The following EVL variants were observed in gnomAD, a reference collection of about 807,000 sequenced individuals.
EVL encodes Enah/Vasp-like.
Under a neutral mutation model 59.6 loss-of-function variants are expected in EVL, and 21 were observed. The ratio of observed to expected loss-of-function variants is 0.35; its 90% CI spans 0.25 to 0.51. EVL has a LOEUF of 0.51. Ranked by LOEUF, EVL falls within the 20% of genes least tolerant of loss-of-function variation. EVL has a pLI of 0.97. For synonymous variants in EVL, 198 were observed against 203.5 expected, an observed-to-expected ratio of 0.97 and a Z score of 0.23; for missense variants, 462 against 546.6, an observed-to-expected ratio of 0.85 and a Z score of 1.54.
intron 2 of EVL, among the ~76,000 whole-genome samples, chr14:100,096,406 ATCT>A (rs1885816000): frequency 6.6e-6 from 1 of 152,052 alleles, no homozygotes; most frequent in African/African-American, 2.4e-5. Context: ...ATTCGTAGAG[ATCT>A]TCATATTTCT....
At chr14:100,089,874 A>G (rs2062527010) in intron 2 of EVL, among the ~76,000 whole-genome samples, 1 of 152,220 alleles carries the variant, frequency 6.6e-6, no homozygotes, top group Admixed American at 6.5e-5. Flanking sequence ...TTGAGGCTGC[A>G]GTGAGCCATG....
chr14:100,115,018 G>A (rs1361356167), intron 3 of EVL, among the ~76,000 whole-genome samples: 2 of 145,564 alleles, frequency 1.4e-5, no homozygotes, highest in African/African-American at 5.2e-5. Context: ...AATAAGCCCA[G>A]CCATGGATGA....
intron 1 of EVL, among the ~76,000 whole-genome samples, chr14:100,068,806 C>T (rs2061991002): frequency 6.6e-6 from 1 of 152,160 alleles, no homozygotes; most frequent in African/African-American, 2.4e-5. Context: ...CCTAGCAGCA[C>T]AGGTTCCCAG....
At chr14:100,003,753 TCA>T (rs1395103027) in intron 1 of EVL, among the ~76,000 whole-genome samples, 1 of 152,210 alleles carries the variant, frequency 6.6e-6, no homozygotes, top group Non-Finnish European at 1.5e-5. Context: ...TTTTTTAATC[TCA>T]GTTTTTTCCT....
rs2146026 is a variant in EVL, at chr14:100,114,731, A to G, written c.359-8808A>G. 87,502 of 152,040 alleles carry G rather than the reference A, an allele frequency of 0.58. 26,984 individuals are homozygous for G. The highest frequency in any genetic ancestry group is 0.66 in the Non-Finnish European group (44,841 of 67,964). 9.4% of individuals were successfully genotyped at this position (152,040 alleles called of 1,614,324 possible). A position where few individuals can be genotyped will look rare whatever the true frequency, so the allele number is the denominator to read the frequency against. On this transcript the variant is annotated intron_variant, in intron 3 of 13. Coordinates refer to ENST00000392920, the MANE Select transcript of EVL (RefSeq NM_016337.3). This position sits in a 1 kb window ranked among gnomAD's most constrained non-coding sequence, Gnocchi z 5.0. ...TGCTTTGCAGAGTGAGCTGTAGGTG[A>G]TGGGAGCCCCTCTCTCTCCTCCCTG... is the stretch of plus-strand genomic sequence containing the variant.
intron 1 of EVL, among the ~76,000 whole-genome samples, chr14:99,992,016 T>C (rs2140178688): frequency 6.7e-6 from 1 of 149,964 alleles, no homozygotes; most frequent in South Asian, 2.1e-4. Context: ...TGCTGCATCA[T>C]ATGGTAATTT....
chr14:100,002,567 A>G (rs2060952569), intron 1 of EVL, among the ~76,000 whole-genome samples: 1 of 152,250 alleles, frequency 6.6e-6, no homozygotes. Flanking sequence ...ACAGCATTTT[A>G]TATTTGACAA....
intron 1 of EVL, among the ~76,000 whole-genome samples, chr14:100,015,464 G>A (rs1001757827): frequency 6.6e-6 from 1 of 152,200 alleles, no homozygotes; most frequent in African/African-American, 2.4e-5. Context: ...CTGCAGATGA[G>A]TGTTCTACCA....
intron 1 of EVL, among the ~76,000 whole-genome samples, chr14:100,030,629 T>G (rs1224912286): frequency 1.3e-5 from 2 of 152,216 alleles, no homozygotes; most frequent in Non-Finnish European, 2.9e-5. Flanking sequence ...TGTTTGCTAC[T>G]GAAATGTTTA....
chr14:99,983,185 A>G (rs1051100582), intron 1 of EVL, among the ~76,000 whole-genome samples: 2 of 152,208 alleles, frequency 1.3e-5, no homozygotes, highest in African/African-American at 4.8e-5. Flanking sequence ...TGGTTTAGAA[A>G]CTGCAGTTGC....
chr14:100,018,729 C>T (rs1175740426), intron 1 of EVL, among the ~76,000 whole-genome samples: 2 of 152,162 alleles, frequency 1.3e-5, no homozygotes, highest in South Asian at 2.1e-4. Flanking sequence ...GTGACTCATA[C>T]GTTTTTATTT....
chr14:100,099,427 A>C (rs1886051800), intron 3 of EVL, among the ~76,000 whole-genome samples: 1 of 152,160 alleles, frequency 6.6e-6, no homozygotes, highest in Non-Finnish European at 1.5e-5. Flanking sequence ...TGGTTTTTTT[A>C]AGTAAATAAA....
intron 1 of EVL, among the ~76,000 whole-genome samples, chr14:100,013,585 C>T (rs766704882): frequency 6.6e-5 from 10 of 152,138 alleles, no homozygotes; most frequent in African/African-American, 9.7e-5. Flanking sequence ...GATCCGGGAC[C>T]GAGGGTCCCC....
intron 1 of EVL, among the ~76,000 whole-genome samples, chr14:99,996,371 A>G (rs1024638314): frequency 6.6e-6 from 1 of 152,116 alleles, no homozygotes; most frequent in Non-Finnish European, 1.5e-5. Flanking sequence ...CTATTCCATC[A>G]TCTTCCTGTG....
At chr14:100,000,025 G>C (rs1288998045) in intron 1 of EVL, among the ~76,000 whole-genome samples, 1 of 152,160 alleles carries the variant, frequency 6.6e-6, no homozygotes, top group East Asian at 1.9e-4. Flanking sequence ...CAGAAACATT[G>C]ATCTACAGCT....
chr14:100,075,516 A>G (rs1027940057), intron 1 of EVL, among the ~76,000 whole-genome samples: 1 of 152,158 alleles, frequency 6.6e-6, no homozygotes, highest in East Asian at 1.9e-4. Context: ...ACTTCTCTCT[A>G]GCCCCCGACC....
chr14:100,083,381 T>C (rs1255580370), intron 1 of EVL, among the ~76,000 whole-genome samples: 2 of 152,180 alleles, frequency 1.3e-5, no homozygotes, highest in Non-Finnish European at 2.9e-5. Flanking sequence ...TATCTTTTTT[T>C]TCTGGAGACA....
At chr14:100,122,016 C>T (rs745975265) in intron 3 of EVL, among the ~76,000 whole-genome samples, 5 of 152,196 alleles carry the variant, frequency 3.3e-5, no homozygotes, top group African/African-American at 2.4e-5. Flanking sequence ...GGCAGATGTC[C>T]AGTTGTCCAA....
At chr14:99,982,675 A>G (rs1008149798) in intron 1 of EVL, among the ~76,000 whole-genome samples, 3 of 152,246 alleles carry the variant, frequency 2.0e-5, no homozygotes, top group Non-Finnish European at 2.9e-5. Context: ...TGAGCGATTC[A>G]TACGAAGATG....
Sources: allele counts gnomAD v4.1 joint callset (sites outside exome capture counted in the v4.1 genomes callset), GRCh38; gene constraint gnomAD v4.1.1; non-coding constraint Gnocchi (gnomAD v3.1); transcripts MANE v1.5; gene names NCBI Gene and HGNC (gene_info 2026-07-23, HGNC 2026-07-21).